MAPK10: variants seen among roughly 807,000 people sequenced by gnomAD.
MAPK10 encodes the protein JNK3 alpha protein kinase.
MAPK10 carries 25 observed loss-of-function variants against 59.3 expected under a neutral mutation model. That is an observed-to-expected ratio of 0.42 (90% CI 0.31 to 0.59). The LOEUF (loss-of-function observed/expected upper bound fraction) is 0.59, where lower values mean the gene tolerates loss of function less well. Among genes scored for constraint, MAPK10 ranks in the 20% least tolerant of loss-of-function variants. The pLI, the probability that MAPK10 is intolerant of heterozygous loss-of-function variation, is 0.15. For missense variants in MAPK10, 351 were observed against 568.9 expected, an observed-to-expected ratio of 0.62 and a Z score of 3.90; for synonymous variants, 190 against 200.5, an observed-to-expected ratio of 0.95 and a Z score of 0.44.
chr4:86,029,954 T>C (rs2038588670), intron 12 of MAPK10, among the ~76,000 whole-genome samples: 1 of 139,626 alleles, frequency 7.2e-6, no homozygotes, highest in Non-Finnish European at 1.5e-5. Flanking sequence ...ATTGGATAGT[T>C]TCAGTTCTGT....
chr4:86,391,053 A>AT (rs1247794492), intron 1 of MAPK10, among the ~76,000 whole-genome samples: 2 of 152,132 alleles, frequency 1.3e-5, no homozygotes, highest in Non-Finnish European at 2.9e-5. Flanking sequence ...AGATCCTTTT[A>AT]TTTTCTCCAT....
intron 9 of MAPK10, among the ~76,000 whole-genome samples, chr4:86,092,386 A>C (rs989850643): frequency 1.3e-5 from 2 of 152,078 alleles, no homozygotes; most frequent in Non-Finnish European, 2.9e-5. Context: ...GAATATATGC[A>C]CATAAATTTA....
chr4:86,407,903 CTTTTT>C (rs1038454627), intron 1 of MAPK10, among the ~76,000 whole-genome samples: 6 of 151,522 alleles, frequency 4.0e-5, no homozygotes, highest in Non-Finnish European at 8.8e-5. Context: ...AATTTATTTT[CTTTTT>C]TTATTACTAT....
intron 1 of MAPK10, among the ~76,000 whole-genome samples, chr4:86,428,250 C>T (rs943989405): frequency 1.3e-5 from 2 of 151,736 alleles, no homozygotes; most frequent in African/African-American, 4.8e-5. Flanking sequence ...CTAAAATGAT[C>T]CTCCCACCTA....
chr4:86,174,116 A>G (rs2075092698), intron 3 of MAPK10, among the ~76,000 whole-genome samples: 1 of 152,186 alleles, frequency 6.6e-6, no homozygotes, highest in Admixed American at 6.5e-5. Flanking sequence ...CAATCCCATT[A>G]CTGGGTATAT....
chr4:86,159,813 A>T (rs535163977), intron 3 of MAPK10, among the ~76,000 whole-genome samples: 36 of 152,146 alleles, frequency 2.4e-4, no homozygotes, highest in African/African-American at 8.4e-4. Context: ...CTCAGAGGTG[A>T]TATTAGATCC....
At chr4:86,449,867 GC>G (rs1750500206) in intron 1 of MAPK10, among the ~76,000 whole-genome samples, 1 of 152,228 alleles carries the variant, frequency 6.6e-6, no homozygotes, top group South Asian at 2.1e-4. Flanking sequence ...ACAAAGGGCA[GC>G]CTCTGGAAGA....
intron 2 of MAPK10, among the ~76,000 whole-genome samples, chr4:86,275,565 A>G (rs2094550956): frequency 6.6e-6 from 1 of 152,034 alleles, no homozygotes; most frequent in Non-Finnish European, 1.5e-5. Context: ...GCCCCAGCCT[A>G]AAGATCCTAA....
chr4:86,056,818 T>G (rs1238895780), intron 11 of MAPK10, among the ~76,000 whole-genome samples: 1 of 149,558 alleles, frequency 6.7e-6, no homozygotes, highest in Non-Finnish European at 1.5e-5. Context: ...AAGATTTAAT[T>G]TATAGTTTAA....
chr4:86,288,963 A>G (rs1379773698), intron 2 of MAPK10, among the ~76,000 whole-genome samples: 1 of 152,090 alleles, frequency 6.6e-6, no homozygotes, highest in South Asian at 2.1e-4. Flanking sequence ...TAAATAGGCA[A>G]CAGAAAGATA....
At chr4:86,081,040 T>A (rs976178438) in intron 9 of MAPK10, 2 of 151,976 alleles carry the variant, frequency 1.3e-5, no homozygotes, top group African/African-American at 4.8e-5. Context: ...TTATATTCAT[T>A]AAGAAAGGGT....
At chr4:86,518,198 T>C (rs188489639) in intron 1 of MAPK10, among the ~76,000 whole-genome samples, 23 of 152,340 alleles carry the variant, frequency 1.5e-4, no homozygotes, top group African/African-American at 5.1e-4. Flanking sequence ...AACCTTTGTA[T>C]TTTTAGGAGA....
intron 13 of MAPK10, chr4:86,027,226 T>C (rs1750780615): frequency 6.6e-6 from 1 of 152,220 alleles, no homozygotes; most frequent in Admixed American, 6.5e-5. Context: ...ATTTTAACTA[T>C]AAATTGGTTA....
chr4:86,556,344 T>G (rs1001843541), intron 1 of MAPK10, among the ~76,000 whole-genome samples: 1 of 152,210 alleles, frequency 6.6e-6, no homozygotes, highest in African/African-American at 2.4e-5. Flanking sequence ...ACATTCTGAA[T>G]ACATCTTTGT....
In MAPK10 at chr4:86,031,359, T is replaced by C. The variant is rs2038977080; in HGVS notation, c.1174+9A>G. 2 of 1,588,462 alleles carry C rather than the reference T, an allele frequency of 1.3e-6. No homozygotes were observed. Among genetic ancestry groups the C allele is most frequent in the South Asian group, 1.1e-5 (1 of 90,514 alleles). On this transcript the variant is annotated intron_variant, in intron 12 of 13. Transcript: ENST00000641462. ...ATAAAAAGTATACTTTTTTAAGTAG[T>C]AGACTTACCTTTCCATTCTTCAATT...
chr4:86,474,064 G>C (rs943573567), intron 1 of MAPK10, among the ~76,000 whole-genome samples: 1 of 152,136 alleles, frequency 6.6e-6, no homozygotes, highest in African/African-American at 2.4e-5. Context: ...ATTCACAAAT[G>C]GGATCATGCA....
chr4:86,557,779 C>T (rs112371807), intron 1 of MAPK10, among the ~76,000 whole-genome samples: 91 of 152,030 alleles, frequency 6.0e-4, no homozygotes, highest in African/African-American at 1.7e-3. Flanking sequence ...CAAGAAACTC[C>T]GTATGCCATT....
chr4:86,481,024 C>T (rs947831329), intron 1 of MAPK10, among the ~76,000 whole-genome samples: 2 of 152,160 alleles, frequency 1.3e-5, no homozygotes, highest in African/African-American at 4.8e-5. Context: ...ATTCCTTCAA[C>T]CCAGGTATAG....
chr4:86,127,880 A>G (rs557941561), intron 4 of MAPK10, among the ~76,000 whole-genome samples: 1 of 152,178 alleles, frequency 6.6e-6, no homozygotes, highest in Non-Finnish European at 1.5e-5. Context: ...ATCACTATCA[A>G]TGTGAAACTT....
Sources: gnomAD v4.1 joint callset for allele counts (sites outside exome capture counted in the v4.1 genomes callset) on GRCh38, gnomAD v4.1.1 for gene constraint, MANE v1.5 for transcripts, NCBI Gene and HGNC (gene_info 2026-07-23, HGNC 2026-07-21) for gene names.